ATP2C2: variants seen among roughly 807,000 people sequenced by gnomAD.
ATP2C2 encodes calcium-transporting ATPase type 2C member 2.
In ATP2C2, 171 loss-of-function variants were observed where a neutral mutation model predicts 110.8. The observed-to-expected ratio is 1.54, with a 90% CI of 1.36 to 1.75. The LOEUF (loss-of-function observed/expected upper bound fraction) is 1.75. Ranked by LOEUF, ATP2C2 falls within the 40% of genes most tolerant of loss-of-function variation. The pLI is 0.00. For synonymous variants in ATP2C2, 804 were observed against 508.4 expected (o/e 1.58, Z -7.82); for missense variants, 1,963 against 1,235.0 (o/e 1.59, Z -8.84).
At chr16:84,408,688 G>A (rs528787384) in intron 4 of ATP2C2, among the ~76,000 whole-genome samples, 194 bp downstream of exon 4, 199 of 152,174 alleles carry the variant, frequency 1.3e-3, no homozygotes, top group African/African-American at 4.6e-3. Flanking sequence ...TTCGGCCACT[G>A]CTTGCTTGCT....
chr16:84,405,164 A>G lies in ATP2C2; in HGVS notation c.247A>G (p.Thr83Ala). ...LHTGLSEFSVTQRRLAHGWNE... is the reference protein window; with the variant it reads ...LHTGLSEFSVAQRRLAHGWNE... ...CACTGGGCTGTCGGAGTTCTCGGTG[A>G]CGCAGCGCCGGCTGGCCCATGGCTG... The change falls in exon 3 of 27, where the codon ACG (threonine) becomes GCG (alanine). Residue 83 changes from threonine (T) to alanine (A), a missense_variant. Physicochemically the swap from Thr to Ala is moderately conservative, Grantham distance 58. Transcript: ENST00000262429. The G allele has an allele frequency of 6.2e-7, 1 of 1,613,356 alleles. No homozygotes were observed. Among genetic ancestry groups the G allele is most frequent in the Non-Finnish European group, 8.5e-7 (1 of 1,179,820 alleles).
rs766505114 is a variant in ATP2C2, at chr16:84,460,825, G to T, written c.2481+24G>T. 22 of 1,597,306 alleles carry T rather than the reference G, an allele frequency of 1.4e-5. No homozygotes were observed. The East Asian group carries it at 4.9e-4, about 36-fold the overall frequency. ...AGGTGAGCGAGGGTCACCCCGGCCT[G>T]TTCTCCAAGCCCTGGTGCGGTGCAG... On this transcript the variant is annotated intron_variant, in intron 24 of 26. Transcript: ENST00000262429.
intron 1 of ATP2C2, among the ~76,000 whole-genome samples, chr16:84,370,714 G>T (rs970499896): frequency 6.8e-6 from 1 of 147,884 alleles, no homozygotes; most frequent in Non-Finnish European, 1.5e-5. Context: ...AGTTTATTTA[G>T]GGGTTCCATT....
chr16:84,438,740 C>G (rs969215517), intron 11 of ATP2C2, among the ~76,000 whole-genome samples: 47 of 152,178 alleles, frequency 3.1e-4, no homozygotes, highest in Non-Finnish European at 1.6e-4. Flanking sequence ...CCACTACACT[C>G]ATGAAAAGTG....
chr16:84,408,141 C>T (rs1471535498), intron 3 of ATP2C2, among the ~76,000 whole-genome samples: 5 of 152,132 alleles, frequency 3.3e-5, no homozygotes, highest in African/African-American at 4.8e-5. Context: ...TGTGGAGAGG[C>T]GAGACCAAGA....
intron 10 of ATP2C2, 110 bp from the exon 11 acceptor site, chr16:84,425,625 C>A: frequency 1.6e-6 from 2 of 1,215,268 alleles, no homozygotes; most frequent in Non-Finnish European, 1.2e-6. Flanking sequence ...ATCAGGCGTT[C>A]CTCTGTGCAT....
At chr16:84,408,241 A>G (rs887499203) in intron 3 of ATP2C2, among the ~76,000 whole-genome samples, 164 bp from the exon 4 acceptor site, 1 of 152,098 alleles carries the variant, frequency 6.6e-6, no homozygotes, top group Non-Finnish European at 1.5e-5. Context: ...GCAGAGGAGG[A>G]CCACTGCATG....
chr16:84,460,971 G>A, intron 24 of ATP2C2, 170 bp downstream of exon 24: 4 of 992,652 alleles, frequency 4.0e-6, no homozygotes, highest in African/African-American at 1.6e-5. Context: ...CAAAGGGACT[G>A]GGTGACCCTT....
At chr16:84,376,793 C>G (rs1282667999) in intron 1 of ATP2C2, among the ~76,000 whole-genome samples, 1 of 152,206 alleles carries the variant, frequency 6.6e-6, no homozygotes, top group Admixed American at 6.5e-5. Context: ...ATTACGCATT[C>G]CAAGATGGCA....
In ATP2C2 at chr16:84,454,842, G is replaced by A. The variant is rs772764894; in HGVS notation, c.2005G>A (p.Val669Met). The A allele has an allele frequency of 9.3e-6, 15 of 1,611,456 alleles. No homozygotes were observed. Among genetic ancestry groups the A allele is most frequent in the Admixed American group, 6.7e-5 (4 of 59,354 alleles). The change falls in exon 21 of 27, where the codon GTG becomes ATG. Residue 669 changes from valine (V) to methionine (M), a missense_variant. Coordinates refer to ENST00000262429, the MANE Select transcript of ATP2C2 (RefSeq NM_014861.4). Reference protein sequence around the residue: ...IKALQESGAIVAMTGDGVNDA... With the variant: ...IKALQESGAIMAMTGDGVNDA... ...GGCTCTGCAGGAGTCAGGGGCGATC[G>A]TGGCCATGACTGGGGATGGGGTGAA...
rs1328204388 is a variant in ATP2C2 at position 84,453,251 on chromosome 16, C to G, written c.1929+16C>G. The stretch of plus-strand genomic sequence containing the variant: ...CGTGGGGAAGGTGGGTCCCCGGAGG[C>G]TTGGCTGGCAGTGGGGCTGGGTCAC... On this transcript the variant is annotated intron_variant, in intron 19 of 26. Transcript: ENST00000262429. 1.9e-6 allele frequency: 3 copies of G among 1,614,024 alleles called. No individual in the cohort carries two copies. The highest frequency in any genetic ancestry group is 2.2e-5 in the East Asian group (1 of 44,882).
chr16:84,419,327 T>A (rs1239478373), intron 7 of ATP2C2, among the ~76,000 whole-genome samples: 1 of 151,516 alleles, frequency 6.6e-6, no homozygotes, highest in Non-Finnish European at 1.5e-5. Flanking sequence ...CTGCATTCCT[T>A]GGCTCATGGC....
At chr16:84,444,298 C>T (rs950921419) in intron 15 of ATP2C2, among the ~76,000 whole-genome samples, 2 of 148,038 alleles carry the variant, frequency 1.4e-5, no homozygotes, top group African/African-American at 5.0e-5. Flanking sequence ...CATGGTGAAA[C>T]CTCATCTCTA....
intron 9 of ATP2C2, among the ~76,000 whole-genome samples, chr16:84,422,969 T>C (rs1050457706): frequency 2.0e-5 from 3 of 152,164 alleles, no homozygotes; most frequent in Non-Finnish European, 4.4e-5. Context: ...CTGGCCTCTT[T>C]TCAAACACGT....
At chr16:84,391,879 C>T (rs1242158358) in intron 1 of ATP2C2, among the ~76,000 whole-genome samples, 1 of 151,778 alleles carries the variant, frequency 6.6e-6, no homozygotes, top group Non-Finnish European at 1.5e-5. Context: ...ATGTGACTCC[C>T]GTTCCCTCCC....
At chr16:84,460,349 G>GGC (rs66508461) in intron 23 of ATP2C2, 1 of 322,276 alleles carries the variant, frequency 3.1e-6, no homozygotes, top group South Asian at 2.6e-5. Context: ...CGCAACGTTG[G>GGC]GGGGGGTCCC....
chr16:84,382,725 C>G (rs548805887), intron 1 of ATP2C2, among the ~76,000 whole-genome samples: 2 of 152,238 alleles, frequency 1.3e-5, no homozygotes, highest in East Asian at 3.9e-4. Flanking sequence ...AAAACCCCGT[C>G]TCTACTAAAA....
chr16:84,433,575 C>G (rs34043559), intron 11 of ATP2C2, among the ~76,000 whole-genome samples: 2 of 151,822 alleles, frequency 1.3e-5, no homozygotes, highest in African/African-American at 4.8e-5. Flanking sequence ...TCTCTTGAAC[C>G]CGGGAGGTGG....
intron 1 of ATP2C2, among the ~76,000 whole-genome samples, chr16:84,384,923 C>G (rs1208052461): frequency 6.6e-6 from 1 of 152,174 alleles, no homozygotes; most frequent in Non-Finnish European, 1.5e-5. Flanking sequence ...GTGATGCATG[C>G]CTGTAATCCC....
Sources: allele counts gnomAD v4.1 joint callset (sites outside exome capture counted in the v4.1 genomes callset), GRCh38; gene constraint gnomAD v4.1.1; transcripts MANE v1.5; gene names NCBI Gene and HGNC (gene_info 2026-07-23, HGNC 2026-07-21).